The following RTN4 variants were observed in gnomAD, a reference collection of about 807,000 sequenced individuals.
The protein encoded by RTN4 is reticulon-4.
In RTN4, 32 loss-of-function variants were observed where a neutral mutation model predicts 90.4. That is an observed-to-expected ratio of 0.35 (90% CI 0.27 to 0.48). The LOEUF (loss-of-function observed/expected upper bound fraction) is 0.48, where lower values mean the gene tolerates loss of function less well. Ranked by LOEUF, RTN4 falls within the 20% of genes least tolerant of loss-of-function variation. The pLI is 0.99. For missense variants in RTN4, 1,706 were observed against 1,430.2 expected (o/e 1.19, Z -3.11); for synonymous variants, 629 against 552.5 (o/e 1.14, Z -1.94).
chr2:55,059,140 A>G (rs954834537), intron 2 of RTN4, among the ~76,000 whole-genome samples: 1 of 151,986 alleles, frequency 6.6e-6, no homozygotes, highest in African/African-American at 2.4e-5. Context: ...TTTTCAACCC[A>G]GCCTATGACA....
At chr2:55,024,505 A>G (rs116672242) in intron 3 of RTN4, among the ~76,000 whole-genome samples, 3,637 of 152,272 alleles carry the variant, frequency 0.024, 80 homozygotes, top group South Asian at 0.036. Context: ...CAAATCAGGT[A>G]TGTGGAAAAT....
chr2:55,028,098 T>C, intron 2 of RTN4, 66 bp downstream of exon 2: 1 of 1,405,014 alleles, frequency 7.1e-7, no homozygotes, highest in Non-Finnish European at 9.9e-7. Context: ...CTCTGCATAG[T>C]GTTAACACAC....
At chr2:55,087,196 G>A (rs1328077755) in intron 1 of RTN4, among the ~76,000 whole-genome samples, 1 of 152,152 alleles carries the variant, frequency 6.6e-6, no homozygotes, top group African/African-American at 2.4e-5. Flanking sequence ...CCAAGTTGTG[G>A]ACCATCTATG....
At chr2:55,013,600 T>G (rs78028257) in intron 3 of RTN4, among the ~76,000 whole-genome samples, 1 of 67,332 alleles carries the variant, frequency 1.5e-5, no homozygotes, top group Admixed American at 1.6e-4. Context: ...TTTTGGTGGG[T>G]TTTTTTTTGG....
At chr2:55,122,274 C>T in the RTN4 span, among the ~76,000 whole-genome samples, 2 of 152,158 alleles carry the variant, frequency 1.3e-5, no homozygotes, top group Admixed American at 6.6e-5. Context: ...CCACTGCACC[C>T]GGCCTTGGGT....
chr2:55,076,153 A>G (rs1310231569), intron 2 of RTN4, among the ~76,000 whole-genome samples: 1 of 152,200 alleles, frequency 6.6e-6, no homozygotes, highest in African/African-American at 2.4e-5. Flanking sequence ...CAACCCATGG[A>G]GTGGGAGGAA....
At chr2:55,077,756 T>TACACACACACACACACACACACAC (rs200121610) in intron 2 of RTN4, among the ~76,000 whole-genome samples, 3 of 144,464 alleles carry the variant, frequency 2.1e-5, no homozygotes, top group African/African-American at 7.7e-5. Context: ...AAATGTTTTA[T>TACACACACACACACACACACACAC]ACACACACAC....
upstream of RTN4, among the ~76,000 whole-genome samples, chr2:55,052,862 T>C (rs1435544164): frequency 6.6e-6 from 1 of 152,194 alleles, no homozygotes; most frequent in Non-Finnish European, 1.5e-5. Context: ...TCCTTAATGA[T>C]AAGTTTCACA....
intron 2 of RTN4, among the ~76,000 whole-genome samples, chr2:55,061,161 G>A (rs1433342875): frequency 1.3e-5 from 2 of 151,580 alleles, no homozygotes; most frequent in East Asian, 1.9e-4. Flanking sequence ...CGCCTCCTGG[G>A]TTCCAGCAAT....
chr2:54,987,343 G>T, intron 4 of RTN4, 148 bp downstream of exon 4: 1 of 646,126 alleles, frequency 1.5e-6, no homozygotes, highest in Non-Finnish European at 2.7e-6. Context: ...CTCAAAAGCA[G>T]ATGTTTTTGG....
intron 1 of RTN4, among the ~76,000 whole-genome samples, chr2:55,102,562 G>T (rs764128363): frequency 1.3e-5 from 2 of 151,564 alleles, no homozygotes; most frequent in African/African-American, 4.9e-5. Context: ...TGTGAAATTC[G>T]TCCTTAGTTG....
At chr2:55,137,721 G>T in the RTN4 span, among the ~76,000 whole-genome samples, 5 of 151,988 alleles carry the variant, frequency 3.3e-5, no homozygotes, top group Non-Finnish European at 5.9e-5. Context: ...CCCCCATGGC[G>T]CTCTCTCCAC....
chr2:55,083,597 TA>T (rs1293278880), intron 1 of RTN4, among the ~76,000 whole-genome samples: 1 of 152,098 alleles, frequency 6.6e-6, no homozygotes, highest in African/African-American at 2.4e-5. Flanking sequence ...AAAGCACATT[TA>T]AAAAAATAGG....
chr2:55,043,944 C>G (rs1457421557), intron 1 of RTN4, among the ~76,000 whole-genome samples: 1 of 151,914 alleles, frequency 6.6e-6, no homozygotes, highest in Non-Finnish European at 1.5e-5. Flanking sequence ...TGTGGTGGCT[C>G]ACGCCTGTAA....
chr2:55,090,908 T>C (rs2105043908), intron 1 of RTN4, among the ~76,000 whole-genome samples: 1 of 152,226 alleles, frequency 6.6e-6, no homozygotes, highest in African/African-American at 2.4e-5. Flanking sequence ...TTTCTCTCAT[T>C]CTCTCTATCC....
chr2:55,126,050 G>A, the RTN4 span, among the ~76,000 whole-genome samples: 3,694 of 118,070 alleles, frequency 0.031, 76 homozygotes, highest in Non-Finnish European at 0.044. Flanking sequence ...GACAGAGCGA[G>A]ACTCCGTCTC....
rs1340349942 is a variant in RTN4 at position 55,026,162 on chromosome 2, T to C, written c.1937A>G (p.Tyr646Cys). 2 of 1,613,362 alleles carry C rather than the reference T, an allele frequency of 1.2e-6. No individual in the cohort carries two copies. The highest frequency in any genetic ancestry group is 1.7e-5 in the Admixed American group (1 of 59,832). Residue 646 changes from tyrosine (Y) to cysteine (C), a missense_variant, in exon 3 of 9, where the codon TAT becomes TGT. Transcript: ENST00000337526. ...TTCAGGCTCATGTTTTATGCTTTCA[T>C]AATTAACTGAAGAAGCTTCTAATGG... ...SSPLEASSVN[Y>C]ESIKHEPENP...
chr2:55,131,917 T>C, the RTN4 span, among the ~76,000 whole-genome samples: 7 of 152,134 alleles, frequency 4.6e-5, no homozygotes, highest in African/African-American at 1.7e-4. Context: ...CATTATTACA[T>C]ATTTCTTTTT....
upstream of RTN4, among the ~76,000 whole-genome samples, chr2:55,117,282 G>A (rs1188760620): frequency 6.6e-6 from 1 of 152,210 alleles, no homozygotes; most frequent in African/African-American, 2.4e-5. Context: ...CTGATCCAAT[G>A]TCACACACTG....
Sources: allele counts gnomAD v4.1 joint callset (sites outside exome capture counted in the v4.1 genomes callset), GRCh38; gene constraint gnomAD v4.1.1; transcripts MANE v1.5; gene names NCBI Gene and HGNC (gene_info 2026-07-23, HGNC 2026-07-21).